GOLGA4: variants seen among roughly 807,000 people sequenced by gnomAD.
GOLGA4 encodes golgin subfamily A member 4.
GOLGA4 carries 169 observed loss-of-function variants against 265.9 expected under a neutral mutation model. The observed-to-expected ratio is 0.64, with a 90% CI of 0.56 to 0.72. The LOEUF (loss-of-function observed/expected upper bound fraction) is 0.72. Among genes scored for constraint, GOLGA4 ranks in the 30% least tolerant of loss-of-function variants. GOLGA4 has a pLI of 0.00. For missense variants in GOLGA4, 2,482 were observed against 2,483.4 expected, an observed-to-expected ratio of 1.00 and a Z score of 0.01; for synonymous variants, 923 against 855.8, an observed-to-expected ratio of 1.08 and a Z score of -1.37.
chr3:37,271,638 G>A (rs1436781619), intron 2 of GOLGA4, among the ~76,000 whole-genome samples: 1 of 152,028 alleles, frequency 6.6e-6, no homozygotes, highest in Non-Finnish European at 1.5e-5. Context: ...GCCTACTTGT[G>A]CAGCTCCCCC....
intron 12 of GOLGA4, chr3:37,319,891 T>G (rs140886668): frequency 2.1e-3 from 327 of 152,310 alleles, no homozygotes; most frequent in Middle Eastern, 0.02. Context: ...AAAAGATAGA[T>G]TAATTGAAGC....
At chr3:37,282,342 G>T (rs2096837092) in intron 3 of GOLGA4, 70 bp downstream of exon 3, 11 of 1,098,398 alleles carry the variant, frequency 1.0e-5, no homozygotes, top group Non-Finnish European at 1.5e-5. Context: ...TTACTGTATT[G>T]CTTTACTCCT....
chr3:37,306,796 A>G (rs1055604474), intron 10 of GOLGA4, among the ~76,000 whole-genome samples: 5 of 152,030 alleles, frequency 3.3e-5, no homozygotes, highest in African/African-American at 4.8e-5. Flanking sequence ...AAGTGCATGT[A>G]CATCATTTAC....
Position 37,251,415 on chromosome 3 carries a change from A to G in GOLGA4, c.93A>G (p.Thr31=). The change falls in exon 2 of 24, where the codon ACA becomes ACG. Residue 31 remains threonine (T), a synonymous_variant. Transcript: ENST00000361924. ...APAQASSNSS[T]PTRMRSRTSS... is the part of the protein sequence containing the mutation. The stretch of plus-strand genomic sequence containing the variant: ...TCTAGGCGTCCTCCAATTCTTCAAC[A>G]CCAACAAGAATGAGGAGCAGGACAT... 6.2e-7 allele frequency: 1 copy of G among 1,611,806 alleles called. No individual in the cohort carries two copies. Among genetic ancestry groups the G allele is most frequent in the Middle Eastern group, 1.7e-4 (1 of 6,052 alleles).
At chr3:37,311,550 A>G (rs928934949) in intron 10 of GOLGA4, among the ~76,000 whole-genome samples, 10 of 152,224 alleles carry the variant, frequency 6.6e-5, no homozygotes, top group South Asian at 2.1e-4. Flanking sequence ...TTAAAGTTCT[A>G]TCATCAGGCT....
At position 37,325,126 on chromosome 3, in the gene GOLGA4, C is replaced by T. The variant is rs367678642; in HGVS notation, c.3240C>T (p.Ile1080=). 2.2e-5 allele frequency: 36 copies of T among 1,612,964 alleles called. No homozygotes were observed. In the Admixed American group the frequency reaches 2.3e-4, roughly 10 times the overall value. The part of the protein sequence containing the change: ...EQEVAELKQK[I]LLFGCEKEEM... ...AGGTAGCAGAACTGAAACAAAAGAT[C>T]CTCCTATTTGGGTGTGAAAAAGAAG... is the stretch of plus-strand genomic sequence containing the variant. Residue 1080 remains isoleucine (I), a synonymous_variant, in exon 14 of 24, where the codon ATC becomes ATT. Coordinates refer to ENST00000361924, the MANE Select transcript of GOLGA4 (RefSeq NM_002078.5).
Position 37,323,785 on chromosome 3 carries a change from C to CT in GOLGA4, c.1901dup (p.Leu634PhefsTer8). ...CCCTTTGGACTGAAAAACTCCAAGT[C>CT]TTAAAGCAACAATATCAGACTGAAA... On this transcript the variant is annotated frameshift_variant, in exon 14 of 24. Transcript: ENST00000361924. LOFTEE classifies it high-confidence loss of function. 1 of 1,609,442 alleles carries CT rather than the reference C, an allele frequency of 6.2e-7. No individual in the cohort carries two copies. The highest frequency in any genetic ancestry group is 1.1e-5 in the South Asian group (1 of 89,494).
At chr3:37,357,638 C>T (rs766395187) in intron 22 of GOLGA4, among the ~76,000 whole-genome samples, 2 of 152,032 alleles carry the variant, frequency 1.3e-5, no homozygotes, top group African/African-American at 2.4e-5. Flanking sequence ...GATTGTTTCA[C>T]GAGTATAAGA....
chr3:37,276,153 C>G, intron 2 of GOLGA4: 4 of 1,603,142 alleles, frequency 2.5e-6, no homozygotes, highest in South Asian at 2.2e-5. Context: ...GCTCTTCGAA[C>G]AGGGGATGAC....
chr3:37,294,949 A>G (rs761080488), intron 5 of GOLGA4, 30 bp from the exon 6 acceptor site: 6 of 1,449,000 alleles, frequency 4.1e-6, no homozygotes, highest in African/African-American at 1.4e-5. Context: ...TTTATACTGA[A>G]AATTACCTGT....
At chr3:37,318,239 G>A (rs543273185) in intron 11 of GOLGA4, among the ~76,000 whole-genome samples, 15 of 152,110 alleles carry the variant, frequency 9.9e-5, no homozygotes, top group Admixed American at 9.2e-4. Context: ...TAGAGACGGG[G>A]TCTGCCTGTT....
chr3:37,276,323 C>A, intron 2 of GOLGA4: 1 of 1,605,166 alleles, frequency 6.2e-7, no homozygotes. Flanking sequence ...GAAAAATGTC[C>A]TCTGTGGGAA....
At chr3:37,258,658 A>G (rs1171978207) in intron 2 of GOLGA4, among the ~76,000 whole-genome samples, 1 of 152,176 alleles carries the variant, frequency 6.6e-6, no homozygotes, top group Non-Finnish European at 1.5e-5. Flanking sequence ...AGCACATTTT[A>G]GAGATTTATT....
chr3:37,296,348 C>A, intron 7 of GOLGA4, 129 bp downstream of exon 7: 2 of 801,716 alleles, frequency 2.5e-6, no homozygotes, highest in Non-Finnish European at 3.9e-6. Context: ...GAGTTTGAGA[C>A]CAGCCTGGGC....
At chr3:37,359,819 A>G (rs759419925) in intron 22 of GOLGA4, among the ~76,000 whole-genome samples, 18 of 152,182 alleles carry the variant, frequency 1.2e-4, no homozygotes, top group Non-Finnish European at 2.1e-4. Context: ...TTCCCTCTGC[A>G]TGGGCTCAGA....
chr3:37,259,068 T>TTTAA (rs1317976494), intron 2 of GOLGA4, among the ~76,000 whole-genome samples: 1 of 152,214 alleles, frequency 6.6e-6, no homozygotes, highest in Non-Finnish European at 1.5e-5. Flanking sequence ...ATTCTTTAAA[T>TTTAA]GTTTGGTAGA....
rs182689254 is a variant in GOLGA4, at chr3:37,290,263, G to A, written c.582+972G>A. Among the ~76,000 whole-genome samples the A allele has an allele frequency of 3.2e-4, 49 of 152,226 alleles. No individual in the cohort carries two copies. The East Asian group carries it at 3.3e-3, about 10-fold the overall frequency. On this transcript the variant is annotated intron_variant, in intron 5 of 23. Transcript: ENST00000361924. Reference sequence around the variant, plus strand: ...TTAGGATGATATCATCAATATAGCCGTATTGTCCCATAGAATATTCTTTGT... The same window carrying A: ...TTAGGATGATATCATCAATATAGCCATATTGTCCCATAGAATATTCTTTGT...
At chr3:37,347,477 A>G (rs754074786) in intron 21 of GOLGA4, among the ~76,000 whole-genome samples, 181 bp downstream of exon 21, 2 of 152,164 alleles carry the variant, frequency 1.3e-5, no homozygotes, top group Non-Finnish European at 2.9e-5. Context: ...TCTTGCTTAT[A>G]TTTATTACAT....
chr3:37,251,173 A>C (rs946248207), intron 1 of GOLGA4, among the ~76,000 whole-genome samples: 1 of 152,204 alleles, frequency 6.6e-6, no homozygotes, highest in African/African-American at 2.4e-5. Flanking sequence ...CATGTAGCTA[A>C]GATCATAGTT....
Sources: allele counts gnomAD v4.1 joint callset (sites outside exome capture counted in the v4.1 genomes callset), GRCh38; gene constraint gnomAD v4.1.1; transcripts MANE v1.5; gene names NCBI Gene and HGNC (gene_info 2026-07-23, HGNC 2026-07-21).